The following ABCA5 variants were observed in gnomAD, a reference collection of about 807,000 sequenced individuals.
The protein encoded by ABCA5 is cholesterol transporter ABCA5.
ABCA5 carries 163 observed loss-of-function variants against 206.0 expected under a neutral mutation model. That is an observed-to-expected ratio of 0.79 (90% CI 0.70 to 0.90). The LOEUF (loss-of-function observed/expected upper bound fraction) is 0.90. Among genes scored for constraint, ABCA5 ranks in the 40% least tolerant of loss-of-function variants. The pLI is 0.00. For synonymous variants in ABCA5, 609 were observed against 613.8 expected (o/e 0.99, Z 0.11); for missense variants, 1,859 against 1,912.9 (o/e 0.97, Z 0.53).
intron 18 of ABCA5, 115 bp from the exon 19 acceptor site, chr17:69,277,957 A>G (rs2075352322): frequency 1.4e-6 from 1 of 720,314 alleles, no homozygotes. Flanking sequence ...AACAAATGGA[A>G]CTCTCTTATA....
At chr17:69,292,290 T>C (rs1260389042) in intron 11 of ABCA5, among the ~76,000 whole-genome samples, 1 of 152,206 alleles carries the variant, frequency 6.6e-6, no homozygotes, top group Non-Finnish European at 1.5e-5. Flanking sequence ...TCTTCTTTAA[T>C]TTCTCTCAGC....
At chr17:69,311,717 C>T (rs914260142) in intron 3 of ABCA5, among the ~76,000 whole-genome samples, 3 of 152,198 alleles carry the variant, frequency 2.0e-5, no homozygotes, top group South Asian at 2.1e-4. Context: ...GTCTCAAACC[C>T]CTGACCTCAG....
Position 69,246,171 on chromosome 17 carries a change from T to C in ABCA5, c.*1366A>G, listed in dbSNP as rs1384610395. ...CAGATGTCTTATTACACAATAAAGC[T>C]AAAAGTTCATTAAATTTTGCCTACA... On this transcript the variant is annotated 3_prime_UTR_variant, in exon 39 of 39. Transcript: ENST00000392676. 6.6e-6 allele frequency: 1 copy of C among 152,000 alleles called. No homozygotes were observed. Among genetic ancestry groups the C allele is most frequent in the African/African-American group, 2.4e-5 (1 of 41,456 alleles). The allele number at this position is 152,000 out of a possible 1,614,324, so 9.4% of individuals were successfully genotyped here. A position where few individuals can be genotyped will look rare whatever the true frequency, so the allele number is the denominator to read the frequency against.
At chr17:69,287,474 T>C in intron 15 of ABCA5, 139 bp downstream of exon 15, 1 of 1,230,602 alleles carries the variant, frequency 8.1e-7, no homozygotes. Flanking sequence ...CATTTTAAAA[T>C]TTTTTAGAAC....
At position 69,304,745 on chromosome 17, in the gene ABCA5, G is replaced by C; in HGVS notation, c.854C>G (p.Ala285Gly). ...TTGAGGAAATAACAAAGAAGCTGTCGCAATGACTGCCATAAGAAGGGACAT... is the reference window on the plus strand; with the variant it reads ...TTGAGGAAATAACAAAGAAGCTGTCCCAATGACTGCCATAAGAAGGGACAT... ...FLMSLLMAVI[A>G]TASLLFPQSS... The change falls in exon 7 of 39, where the codon GCG becomes GGG. Residue 285 changes from alanine (A) to glycine (G), a missense_variant. Ala to Gly is a moderately conservative substitution (Grantham distance 60). Coordinates refer to ENST00000392676, the MANE Select transcript of ABCA5 (RefSeq NM_172232.4). 6.2e-7 allele frequency: 1 copy of C among 1,609,066 alleles called. No individual in the cohort carries two copies. Among genetic ancestry groups the C allele is most frequent in the South Asian group, 1.1e-5 (1 of 90,248 alleles).
intron 24 of ABCA5, among the ~76,000 whole-genome samples, chr17:69,263,863 T>C (rs1598157365): frequency 6.6e-6 from 1 of 151,722 alleles, no homozygotes; most frequent in Non-Finnish European, 1.5e-5. Flanking sequence ...CGTCCAGCTA[T>C]TTTTTTGTAT....
rs543928597 is a variant in ABCA5, at chr17:69,280,122, G to A, written c.2393-2280C>T. ...ACCTACAAAATGGGAGAAAATGTTC[G>A]CAACCTACTCATCTGACAAAGGGCT... On this transcript the variant is annotated intron_variant, in intron 18 of 38. Transcript: ENST00000392676. 1.1e-3 allele frequency among the ~76,000 whole-genome samples: 166 copies of A among 151,902 alleles called. 1 individual carries two copies. The highest frequency in any genetic ancestry group is 8.7e-3 in the East Asian group (45 of 5,150).
chr17:69,311,099 C>A (rs1362385705), intron 3 of ABCA5, among the ~76,000 whole-genome samples: 1 of 151,928 alleles, frequency 6.6e-6, no homozygotes, highest in African/African-American at 2.4e-5. Context: ...GAGGCTGAAG[C>A]GGGAGTATCA....
intron 11 of ABCA5, 88 bp from the exon 12 acceptor site, chr17:69,291,414 G>A (rs1001554961): frequency 1.2e-5 from 9 of 751,988 alleles, no homozygotes; most frequent in Non-Finnish European, 1.7e-5. Flanking sequence ...CAATCTTCAA[G>A]GCACTATATC....
chr17:69,255,896 A>G (rs1172261651), intron 29 of ABCA5, 46 bp from the exon 30 acceptor site: 4 of 1,445,124 alleles, frequency 2.8e-6, no homozygotes, highest in Non-Finnish European at 3.7e-6. Flanking sequence ...AAAACTTATC[A>G]TGAAATGACA....
intron 14 of ABCA5, among the ~76,000 whole-genome samples, chr17:69,288,354 T>C (rs1258841672): frequency 6.6e-6 from 1 of 152,158 alleles, no homozygotes; most frequent in African/African-American, 2.4e-5. Flanking sequence ...TCTGTTTCTA[T>C]GACAGAGAAC....
At position 69,283,814 on chromosome 17, in the gene ABCA5, C is replaced by T. The variant is rs556792062; in HGVS notation, c.2392+139G>A. The T allele has an allele frequency of 1.4e-4, 72 of 508,772 alleles. No homozygotes were observed. The African/African-American group carries it at 2.9e-3, about 21-fold the overall frequency. The allele number at this position is 508,772 out of a possible 1,614,324, so 31.5% of individuals were successfully genotyped here. Reference sequence around the variant, plus strand: ...ATTATTTCCTGCATTACTCCTATCACTATCAGTATCTCATTACTTATTTAC... The same window carrying T: ...ATTATTTCCTGCATTACTCCTATCATTATCAGTATCTCATTACTTATTTAC... On this transcript the variant is annotated intron_variant, in intron 18 of 38. Transcript: ENST00000392676.
At chr17:69,303,853 T>TATATATACATACATATATATAC (rs1555584175) in intron 7 of ABCA5, among the ~76,000 whole-genome samples, 1 of 31,180 alleles carries the variant, frequency 3.2e-5, no homozygotes, top group African/African-American at 1.0e-4. Flanking sequence ...TACATATATA[T>TATATATACATACATATATATAC]ATGTATATAT....
intron 10 of ABCA5, among the ~76,000 whole-genome samples, chr17:69,295,592 T>C (rs2075576528): frequency 6.6e-6 from 1 of 152,206 alleles, no homozygotes. Context: ...CAGCTATGAT[T>C]TAATACTGCA....
intron 27 of ABCA5, 111 bp from the exon 28 acceptor site, chr17:69,259,908 C>A: frequency 2.0e-6 from 1 of 503,758 alleles, no homozygotes; most frequent in Non-Finnish European, 3.5e-6. Flanking sequence ...CTTGCCATTA[C>A]CAAAAGAAGT....
At position 69,245,009 on chromosome 17, in the gene ABCA5, T is replaced by C. The variant is rs1352321945; in HGVS notation, c.*2528A>G. ...AAAACTGATAGTCATCCGAGTTCTC[T>C]CCAAAGAATCCATTTCTGGAAACAT... On this transcript the variant is annotated 3_prime_UTR_variant, in exon 39 of 39. Coordinates refer to ENST00000392676, the MANE Select transcript of ABCA5 (RefSeq NM_172232.4). The C allele has an allele frequency of 1.3e-5, 2 of 151,282 alleles. No individual in the cohort carries two copies. The highest frequency in any genetic ancestry group is 3.0e-5 in the Non-Finnish European group (2 of 67,694). The allele number at this position is 151,282 out of a possible 1,614,324, so 9.4% of individuals were successfully genotyped here. A position where few individuals can be genotyped will look rare whatever the true frequency, so the allele number is the denominator to read the frequency against.
At chr17:69,258,794 C>T (rs992719779) in intron 28 of ABCA5, among the ~76,000 whole-genome samples, 7 of 151,846 alleles carry the variant, frequency 4.6e-5, no homozygotes, top group Non-Finnish European at 1.0e-4. Context: ...TTCGATTCAC[C>T]AATAATTATA....
chr17:69,278,038 C>T (rs1371526267), intron 18 of ABCA5, among the ~76,000 whole-genome samples, 196 bp from the exon 19 acceptor site: 2 of 151,924 alleles, frequency 1.3e-5, no homozygotes, highest in Non-Finnish European at 2.9e-5. Flanking sequence ...CAGGTATAAA[C>T]CCAACAGAGA....
intron 37 of ABCA5, chr17:69,248,590 A>C (rs762985472): frequency 1.2e-5 from 3 of 253,150 alleles, no homozygotes; most frequent in Non-Finnish European, 2.3e-5. Context: ...GATTCTTTTC[A>C]TGTCTTCTTT....
Sources: allele counts gnomAD v4.1 joint callset (sites outside exome capture counted in the v4.1 genomes callset), GRCh38; gene constraint gnomAD v4.1.1; transcripts MANE v1.5; gene names NCBI Gene and HGNC (gene_info 2026-07-23, HGNC 2026-07-21).